ANKS1B: variants seen among roughly 807,000 people sequenced by gnomAD.
ANKS1B encodes the protein ankyrin repeat and sterile alpha motif domain containing 1B.
A neutral mutation model predicts 148.3 loss-of-function variants in ANKS1B; 36 were observed. The observed-to-expected ratio is 0.24, with a 90% CI of 0.19 to 0.32. ANKS1B has a LOEUF of 0.32. Among genes scored for constraint, ANKS1B ranks in the 10% least tolerant of loss-of-function variants. ANKS1B has a pLI of 1.00. For synonymous variants in ANKS1B, 542 were observed against 560.8 expected, an observed-to-expected ratio of 0.97 and a Z score of 0.47; for missense variants, 1,157 against 1,542.6, an observed-to-expected ratio of 0.75 and a Z score of 4.19.
rs568615912 is a variant in ANKS1B, at chr12:99,593,400, T to A, written c.1272+61667A>T. Among the ~76,000 whole-genome samples the A allele has an allele frequency of 2.5e-3, 382 of 152,146 alleles. 4 individuals are homozygous for A. The highest frequency in any genetic ancestry group is 9.0e-3 in the African/African-American group (372 of 41,520). On this transcript the variant is annotated intron_variant, in intron 9 of 26. Transcript: ENST00000683438. ...AATTTTAGTTTCCTATTGAAAAAAG[T>A]TTGAAATTCAGAAGCACAATAATAT... is the stretch of plus-strand genomic sequence containing the variant.
At chr12:98,990,662 C>G (rs558381402) in intron 17 of ANKS1B, among the ~76,000 whole-genome samples, 23 of 151,774 alleles carry the variant, frequency 1.5e-4, no homozygotes, top group Admixed American at 1.4e-3. Flanking sequence ...AGTCTGGGCT[C>G]TGGAGGAAAG....
intron 8 of ANKS1B, 142 bp from the exon 9 acceptor site, chr12:99,655,352 C>A: frequency 1.5e-6 from 1 of 662,086 alleles, no homozygotes. Flanking sequence ...TGGCTGTGCC[C>A]TGTGCCTGAG....
chr12:99,118,172 C>T (rs76579701), intron 15 of ANKS1B, among the ~76,000 whole-genome samples: 2,668 of 152,188 alleles, frequency 0.018, 87 homozygotes, highest in South Asian at 0.067. Context: ...TATGCAAAAA[C>T]GCTAAATTCT....
chr12:99,696,324 C>T (rs1041957243), intron 8 of ANKS1B, among the ~76,000 whole-genome samples: 22 of 152,066 alleles, frequency 1.4e-4, no homozygotes, highest in African/African-American at 5.1e-4. Flanking sequence ...CATTCCTACT[C>T]GATTTCAAGG....
At chr12:99,564,975 G>A (rs945392900) in intron 9 of ANKS1B, among the ~76,000 whole-genome samples, 1 of 152,106 alleles carries the variant, frequency 6.6e-6, no homozygotes, top group Non-Finnish European at 1.5e-5. Flanking sequence ...CAGTGAGAAG[G>A]AAGAGTTGTT....
chr12:98,990,949 A>G (rs1198057943), intron 17 of ANKS1B, among the ~76,000 whole-genome samples: 1 of 152,218 alleles, frequency 6.6e-6, no homozygotes, highest in Non-Finnish European at 1.5e-5. Flanking sequence ...CAGGTGAGGT[A>G]TCCAGATCTG....
chr12:99,005,632 T>A (rs976435231), intron 17 of ANKS1B, among the ~76,000 whole-genome samples: 2 of 152,226 alleles, frequency 1.3e-5, no homozygotes, highest in African/African-American at 2.4e-5. Flanking sequence ...GTAACCTGCA[T>A]GCGCTTTCAA....
chr12:98,956,994 T>A (rs561582852), intron 17 of ANKS1B, among the ~76,000 whole-genome samples: 2 of 152,312 alleles, frequency 1.3e-5, no homozygotes, highest in African/African-American at 4.8e-5. Context: ...CTTTACTCTA[T>A]CTCCTTTTCT....
At chr12:98,800,949 AC>A (rs2099000341) in intron 21 of ANKS1B, 47 bp downstream of exon 21, 1 of 1,577,088 alleles carries the variant, frequency 6.3e-7, no homozygotes, top group Non-Finnish European at 8.6e-7. Flanking sequence ...CTGAAAACAT[AC>A]CCCCTATCTC....
chr12:99,389,661 A>C (rs2093991625), intron 12 of ANKS1B, among the ~76,000 whole-genome samples: 1 of 152,238 alleles, frequency 6.6e-6, no homozygotes. Context: ...ATGACAAGAT[A>C]ATTAGAGAGA....
At chr12:98,966,857 G>A (rs1462041624) in intron 17 of ANKS1B, among the ~76,000 whole-genome samples, 1 of 139,194 alleles carries the variant, frequency 7.2e-6, no homozygotes, top group African/African-American at 2.6e-5. Context: ...CTTGGACACA[G>A]GAAGGGGAAC....
intron 8 of ANKS1B, among the ~76,000 whole-genome samples, chr12:99,672,954 A>G (rs143861428): frequency 2.0e-5 from 3 of 152,244 alleles, no homozygotes; most frequent in African/African-American, 7.2e-5. Flanking sequence ...AATTTAAACT[A>G]TTTTGTCTCT....
intron 1 of ANKS1B, among the ~76,000 whole-genome samples, chr12:99,839,540 T>C (rs2085369744): frequency 6.6e-6 from 1 of 152,170 alleles, no homozygotes; most frequent in Non-Finnish European, 1.5e-5. Flanking sequence ...ATTTAATTGG[T>C]CTAACCTTTT....
At chr12:99,300,246 A>G (rs2081418518) in intron 12 of ANKS1B, among the ~76,000 whole-genome samples, 1 of 152,194 alleles carries the variant, frequency 6.6e-6, no homozygotes, top group African/African-American at 2.4e-5. Flanking sequence ...AGATGTACCA[A>G]TGAGTTCATA....
chr12:99,939,454 C>A (rs1425431883), intron 1 of ANKS1B, among the ~76,000 whole-genome samples: 2 of 152,022 alleles, frequency 1.3e-5, no homozygotes, highest in Non-Finnish European at 2.9e-5. Context: ...TAGTCTTGAA[C>A]TCCTGGAGGA....
At chr12:99,640,035 G>T (rs1235063945) in intron 9 of ANKS1B, among the ~76,000 whole-genome samples, 2 of 152,040 alleles carry the variant, frequency 1.3e-5, no homozygotes, top group African/African-American at 4.8e-5. Flanking sequence ...AGCCAGGAGT[G>T]GTGGTGAGCA....
intron 9 of ANKS1B, among the ~76,000 whole-genome samples, chr12:99,652,515 T>G (rs1164129151): frequency 6.6e-6 from 1 of 151,670 alleles, no homozygotes; most frequent in Non-Finnish European, 1.5e-5. Flanking sequence ...ATTAGTAAAA[T>G]AGTCTTATTG....
chr12:99,666,895 T>TGTGTGTGTGG (rs374573568), intron 8 of ANKS1B, among the ~76,000 whole-genome samples: 29 of 144,754 alleles, frequency 2.0e-4, no homozygotes, highest in Non-Finnish European at 3.7e-4. Flanking sequence ...TGTGTGTGTG[T>TGTGTGTGTGG]GGTGAGGACA....
chr12:99,084,459 G>T (rs979045335), intron 16 of ANKS1B, among the ~76,000 whole-genome samples: 15 of 152,190 alleles, frequency 9.9e-5, no homozygotes, highest in African/African-American at 3.6e-4. Flanking sequence ...TGTAATCCCA[G>T]AAGTCTGGAA....
Sources: gnomAD v4.1 joint callset for allele counts (sites outside exome capture counted in the v4.1 genomes callset) on GRCh38, gnomAD v4.1.1 for gene constraint, MANE v1.5 for transcripts, NCBI Gene and HGNC (gene_info 2026-07-23, HGNC 2026-07-21) for gene names.